IPMK: variants seen among roughly 807,000 people sequenced by gnomAD.
IPMK encodes the protein inositol 1,3,4,6-tetrakisphosphate 5-kinase.
Under a neutral mutation model 45.8 loss-of-function variants are expected in IPMK, and 17 were observed. That is an observed-to-expected ratio of 0.37 (90% CI 0.25 to 0.56). IPMK has a LOEUF of 0.56. Ranked by LOEUF, IPMK falls within the 20% of genes least tolerant of loss-of-function variation. IPMK has a pLI of 0.79. For missense variants in IPMK, 399 were observed against 498.0 expected (o/e 0.80, Z 1.89); for synonymous variants, 180 against 184.3 (o/e 0.98, Z 0.19).
intron 1 of IPMK, among the ~76,000 whole-genome samples, chr10:58,243,674 A>G (rs1021410574): frequency 6.6e-6 from 1 of 152,246 alleles, no homozygotes; most frequent in South Asian, 2.1e-4. Flanking sequence ...TCAATGCTCA[A>G]TGTTGCCCAG....
In IPMK at chr10:58,255,764, C is replaced by T. The variant is rs138089465; in HGVS notation, c.190+11658G>A. Among the ~76,000 whole-genome samples the T allele has an allele frequency of 7.4e-4, 112 of 152,116 alleles. No individual in the cohort carries two copies. The East Asian group carries it at 0.019, about 26-fold the overall frequency. Reference sequence around the variant, plus strand: ...ACTTTGGAAAGCTGAGACAGTGTTCCGGGAAGTCAGAGACCCCGAACGGAG... The same window carrying T: ...ACTTTGGAAAGCTGAGACAGTGTTCTGGGAAGTCAGAGACCCCGAACGGAG... On this transcript the variant is annotated intron_variant, in intron 1 of 5. Transcript: ENST00000373935.
rs562343703 is a variant in IPMK at position 58,191,542 on chromosome 10, T to C, written c.*4534A>G. On this transcript the variant is annotated 3_prime_UTR_variant, in exon 6 of 6. Transcript: ENST00000373935. ...TTCCAATGCAAAACATTTTAATAGG[T>C]TGTCAAATATACAGTTATTAGAATT... 5.3e-5 allele frequency: 8 copies of C among 152,208 alleles called. No individual in the cohort carries two copies. The South Asian group carries it at 1.7e-3, about 31-fold the overall frequency. 9.4% of individuals were successfully genotyped at this position (152,208 alleles called of 1,614,324 possible).
At chr10:58,237,641 C>T in intron 2 of IPMK, 88 bp downstream of exon 2, 1 of 923,114 alleles carries the variant, frequency 1.1e-6, no homozygotes, top group Non-Finnish European at 1.8e-6. Context: ...AGTGACTATG[C>T]TGTCAAATAT....
intron 1 of IPMK, among the ~76,000 whole-genome samples, chr10:58,246,989 G>A (rs1431934286): frequency 2.0e-5 from 3 of 150,460 alleles, no homozygotes; most frequent in African/African-American, 2.5e-5. Context: ...CAAAAAGTAG[G>A]CAAAGGACAT....
At chr10:58,253,527 C>T (rs538568134) in intron 1 of IPMK, among the ~76,000 whole-genome samples, 1 of 152,074 alleles carries the variant, frequency 6.6e-6, no homozygotes, top group East Asian at 1.9e-4. Flanking sequence ...TCAGGAGTTT[C>T]AGGAGTTCGA....
chr10:58,209,624 T>A (rs951314703), intron 4 of IPMK, among the ~76,000 whole-genome samples: 2 of 152,220 alleles, frequency 1.3e-5, no homozygotes, highest in Non-Finnish European at 1.5e-5. Flanking sequence ...CAGTCATGGA[T>A]AACAGCACCT....
In IPMK at chr10:58,249,415, A is replaced by G. The variant is rs563432216; in HGVS notation, c.191-11601T>C. 3.3e-5 allele frequency among the ~76,000 whole-genome samples: 5 copies of G among 152,298 alleles called. No individual in the cohort carries two copies. In the East Asian group the frequency reaches 9.7e-4, roughly 29 times the overall value. Reference sequence around the variant, plus strand: ...TTTAATAATAGCCATTTTAACTAGCATGAGATAATATCTCATTGTTTTTTA... The same window carrying G: ...TTTAATAATAGCCATTTTAACTAGCGTGAGATAATATCTCATTGTTTTTTA... On this transcript the variant is annotated intron_variant, in intron 1 of 5. Transcript: ENST00000373935.
At chr10:58,228,962 A>C (rs1016884826) in intron 2 of IPMK, among the ~76,000 whole-genome samples, 1 of 152,222 alleles carries the variant, frequency 6.6e-6, no homozygotes, top group Non-Finnish European at 1.5e-5. Context: ...ACAGAGGTTC[A>C]CTCAAGACCT....
intron 1 of IPMK, among the ~76,000 whole-genome samples, chr10:58,253,926 T>C (rs1319812960): frequency 6.6e-6 from 1 of 152,090 alleles, no homozygotes; most frequent in Non-Finnish European, 1.5e-5. Context: ...CTCCATTGAC[T>C]GAGATATGTT....
chr10:58,222,786 A>G (rs1838356424), intron 3 of IPMK, among the ~76,000 whole-genome samples: 1 of 152,262 alleles, frequency 6.6e-6, no homozygotes. Context: ...AGTAGACTAC[A>G]TAAGATCACT....
intron 1 of IPMK, among the ~76,000 whole-genome samples, chr10:58,243,082 C>T (rs1476726605): frequency 1.3e-5 from 2 of 152,090 alleles, no homozygotes; most frequent in East Asian, 1.9e-4. Context: ...TCATAAATTA[C>T]GTCTCAGGTA....
intron 2 of IPMK, among the ~76,000 whole-genome samples, chr10:58,229,549 C>T (rs1292762234): frequency 4.9e-5 from 6 of 122,874 alleles, no homozygotes; most frequent in South Asian, 2.6e-4. Context: ...GGCAACAGAG[C>T]GAGACCACGT....
At chr10:58,236,315 T>C (rs192158051) in intron 2 of IPMK, among the ~76,000 whole-genome samples, 5 of 152,236 alleles carry the variant, frequency 3.3e-5, no homozygotes, top group Admixed American at 2.6e-4. Flanking sequence ...AAATGAAACA[T>C]ATCAAAAGCA....
chr10:58,199,413 C>G (rs995958589), intron 4 of IPMK, 92 bp from the exon 5 acceptor site: 23 of 687,140 alleles, frequency 3.3e-5, no homozygotes, highest in Non-Finnish European at 4.8e-5. Context: ...ATGAAATCTA[C>G]TCAGGTAATT....
rs1389425162 is a variant in IPMK at position 58,219,126 on chromosome 10, G to A, written c.374-2809C>T. Among the ~76,000 whole-genome samples the A allele has an allele frequency of 2.0e-5, 3 of 152,054 alleles. No homozygotes were observed. In the South Asian group the frequency reaches 6.2e-4, roughly 32 times the overall value. ...ATAACTGCTAAATTATTTCTTATTC[G>A]CCTTCAGAAATAAAACCATAAGTTA... is the stretch of plus-strand genomic sequence containing the variant. On this transcript the variant is annotated intron_variant, in intron 3 of 5. Coordinates refer to ENST00000373935, the MANE Select transcript of IPMK (RefSeq NM_152230.5).
At chr10:58,229,942 G>A (rs907520537) in intron 2 of IPMK, among the ~76,000 whole-genome samples, 2 of 152,150 alleles carry the variant, frequency 1.3e-5, no homozygotes, top group African/African-American at 2.4e-5. Flanking sequence ...GGAAAAACGG[G>A]ACACTCCCAT....
chr10:58,222,556 A>G (rs565317611), intron 3 of IPMK, among the ~76,000 whole-genome samples: 95 of 152,354 alleles, frequency 6.2e-4, no homozygotes, highest in African/African-American at 2.3e-3. Context: ...TACTTGTATA[A>G]TAAATAAAAG....
rs1040782816 is a variant in IPMK at position 58,194,330 on chromosome 10, T to A, written c.*1746A>T. 1.3e-5 allele frequency: 2 copies of A among 151,886 alleles called. No individual in the cohort carries two copies. The highest frequency in any genetic ancestry group is 4.8e-5 in the African/African-American group (2 of 41,432). 9.4% of individuals were successfully genotyped at this position (151,886 alleles called of 1,614,324 possible). Reference sequence around the variant, plus strand: ...GTAAAACTAAAAATTCTGATTATTATGACTTGAAATTCATTCCCGTTAAAA... The same window carrying A: ...GTAAAACTAAAAATTCTGATTATTAAGACTTGAAATTCATTCCCGTTAAAA... On this transcript the variant is annotated 3_prime_UTR_variant, in exon 6 of 6. Coordinates refer to ENST00000373935, the MANE Select transcript of IPMK (RefSeq NM_152230.5).
intron 1 of IPMK, among the ~76,000 whole-genome samples, chr10:58,252,506 A>G (rs1201062307): frequency 6.6e-6 from 1 of 151,286 alleles, no homozygotes; most frequent in East Asian, 1.9e-4. Context: ...CTGTAGGTAA[A>G]TTATATGTCA....
Sources: gnomAD v4.1 joint callset for allele counts (sites outside exome capture counted in the v4.1 genomes callset) on GRCh38, gnomAD v4.1.1 for gene constraint, MANE v1.5 for transcripts, NCBI Gene and HGNC (gene_info 2026-07-23, HGNC 2026-07-21) for gene names.